ZNF7: variants seen among roughly 807,000 people sequenced by gnomAD.
The protein encoded by ZNF7 is zinc finger protein 7.
ZNF7 carries 10 observed loss-of-function variants against 12.0 expected under a neutral mutation model. That is an observed-to-expected ratio of 0.83 (90% CI 0.51 to 1.42). The LOEUF (loss-of-function observed/expected upper bound fraction) is 1.42, where lower values mean the gene tolerates loss of function less well. ZNF7 is among the 40% of genes most tolerant of loss of function. ZNF7 has a pLI of 0.00. For missense variants in ZNF7, 854 were observed against 837.2 expected (o/e 1.02, Z -0.25); for synonymous variants, 334 against 295.0 (o/e 1.13, Z -1.35).
rs767352183 is a variant in ZNF7 at position 144,841,775 on chromosome 8, G to C, written c.668G>C (p.Ser223Thr). Residue 223 changes from serine (S) to threonine (T), a missense_variant, in exon 5 of 5, where the codon AGC becomes ACC. Physicochemically the swap from Ser to Thr is moderately conservative, Grantham distance 58 (BLOSUM62 1). Transcript: ENST00000532777. ...LHWEINTQKI[S>T]RCQECQKKLS... ...TGGGAAATTAATACACAGAAAATTA[G>C]CAGATGTCAAGAATGCCAAAAAAAG... 5 of 1,614,078 alleles carry C rather than the reference G, an allele frequency of 3.1e-6. No homozygotes were observed. The East Asian group carries it at 1.1e-4, about 36-fold the overall frequency.
chr8:144,845,947 CAG>C (rs1830490894), downstream of ZNF7: 8 of 1,533,432 alleles, frequency 5.2e-6, no homozygotes, highest in Admixed American at 2.0e-5. Context: ...AGGTCTAGCA[CAG>C]GGGTTGCTGT....
At chr8:144,833,517 C>T (rs1828677811) in intron 3 of ZNF7, among the ~76,000 whole-genome samples, 1 of 151,464 alleles carries the variant, frequency 6.6e-6, no homozygotes, top group African/African-American at 2.4e-5. Context: ...TACAGCTACT[C>T]AGGCATGTGC....
rs149536664 is a variant in ZNF7, at chr8:144,843,044, G to A, written c.1937G>A (p.Arg646His). ...GACTGTGAGAAGATATTTAGGTGGC[G>A]TTCACACCTAATTATACACCAGAGA... is the stretch of plus-strand genomic sequence containing the variant. ...CEDCEKIFRW[R>H]SHLIIHQRIH... is the part of the protein sequence containing the mutation. Residue 646 changes from arginine (R) to histidine (H), a missense_variant, in exon 5 of 5, where the codon CGT becomes CAT. Arg to His is a conservative substitution (Grantham distance 29). Transcript: ENST00000532777. 123 of 1,613,988 alleles carry A rather than the reference G, an allele frequency of 7.6e-5. No individual in the cohort carries two copies. The highest frequency in any genetic ancestry group is 1.4e-4 in the South Asian group (13 of 91,074).
downstream of ZNF7, among the ~76,000 whole-genome samples, chr8:144,845,541 G>GA (rs1173767497): frequency 6.6e-6 from 1 of 152,190 alleles, no homozygotes; most frequent in African/African-American, 2.4e-5. Flanking sequence ...ATTTTCACGT[G>GA]AATCTGCTGC....
At chr8:144,845,470 G>A (rs992028005), downstream of ZNF7, among the ~76,000 whole-genome samples, 1 of 152,160 alleles carries the variant, frequency 6.6e-6, no homozygotes, top group South Asian at 2.1e-4. Flanking sequence ...GGAACATGGA[G>A]GGAGGCGTGG....
In ZNF7 at chr8:144,843,076, A is replaced by C; in HGVS notation, c.1969A>C (p.Thr657Pro). Reference sequence around the variant, plus strand: ...CCTAATTATACACCAGAGAATTCACACCGGGGAGAAGCCTTATAAATGCAA... The same window carrying C: ...CCTAATTATACACCAGAGAATTCACCCCGGGGAGAAGCCTTATAAATGCAA... ...SHLIIHQRIH[T>P]GEKPYKCNDC... The change falls in exon 5 of 5, where the codon ACC becomes CCC. Residue 657 changes from threonine to proline, a missense_variant. Physicochemically the swap from Thr to Pro is conservative, Grantham distance 38. Coordinates refer to ENST00000532777, the MANE Select transcript of ZNF7 (RefSeq NM_003416.4). 6.2e-7 allele frequency: 1 copy of C among 1,613,976 alleles called. No homozygotes were observed. Among genetic ancestry groups the C allele is most frequent in the Non-Finnish European group, 8.5e-7 (1 of 1,179,980 alleles).
chr8:144,831,221 C>T (rs1452085068), intron 3 of ZNF7, among the ~76,000 whole-genome samples: 1 of 152,218 alleles, frequency 6.6e-6, no homozygotes, highest in African/African-American at 2.4e-5. Flanking sequence ...CTCAAAGGTA[C>T]AGCTGCTGTT....
At chr8:144,846,488 T>C (rs1191638292), downstream of ZNF7, 1 of 274,348 alleles carries the variant, frequency 3.6e-6, no homozygotes, top group Non-Finnish European at 7.0e-6. Flanking sequence ...GCTGCAGCAG[T>C]GTTTACCACA....
rs1563849367 is a variant in ZNF7, at chr8:144,843,581, C to A, written c.*413C>A. The A allele has an allele frequency of 2.1e-5, 2 of 93,536 alleles. No individual in the cohort carries two copies. The highest frequency in any genetic ancestry group is 4.4e-5 in the Non-Finnish European group (2 of 45,946). 5.8% of individuals were successfully genotyped at this position (93,536 alleles called of 1,614,324 possible). On this transcript the variant is annotated 3_prime_UTR_variant, in exon 5 of 5. Coordinates refer to ENST00000532777, the MANE Select transcript of ZNF7 (RefSeq NM_003416.4). ...CCAGCCTGGGTGACAGAGTGAGACT[C>A]CCTCTCAAAAAAAAAAAAAAAAAAA...
intron 3 of ZNF7, chr8:144,830,918 T>C (rs1586790801): frequency 6.6e-6 from 3 of 457,678 alleles, no homozygotes; most frequent in Middle Eastern, 6.5e-4. Flanking sequence ...GTACTTCTAA[T>C]GTTTCTTCAC....
chr8:144,841,510 C>T lies in ZNF7; in HGVS notation c.403C>T (p.His135Tyr), dbSNP rs1829905719. ...VSDSEVWLDS[H>Y]LGSPGLKVTG... ...TGATTCTGAGGTCTGGTTAGACAGT[C>T]ATCTGGGCAGTCCCGGGCTGAAAGT... is the stretch of plus-strand genomic sequence containing the variant. Residue 135 changes from histidine to tyrosine, a missense_variant, in exon 5 of 5, where the codon CAT becomes TAT. By Grantham distance (83) the His-to-Tyr change is moderately conservative. Coordinates refer to ENST00000532777, the MANE Select transcript of ZNF7 (RefSeq NM_003416.4). 6.2e-7 allele frequency: 1 copy of T among 1,614,194 alleles called. No individual in the cohort carries two copies. Among genetic ancestry groups the T allele is most frequent in the African/African-American group, 1.3e-5 (1 of 75,054 alleles).
At chr8:144,838,862 AGCCCAGGAGGCAGAGCTTGCAGTG>A in intron 4 of ZNF7, 1 of 36,262 alleles carries the variant, frequency 2.8e-5, no homozygotes, top group Non-Finnish European at 1.0e-4. Context: ...GAATGGTGTG[AGCCCAGGAGGCAGAGCTTGCAGTG>A]AGCCGAGATT....
At chr8:144,832,540 C>G (rs1380672725) in intron 3 of ZNF7, among the ~76,000 whole-genome samples, 1 of 152,008 alleles carries the variant, frequency 6.6e-6, no homozygotes, top group Non-Finnish European at 1.5e-5. Context: ...CCAGCCTGAC[C>G]AACATGGTGA....
At chr8:144,831,262 G>A (rs946020088) in intron 3 of ZNF7, among the ~76,000 whole-genome samples, 2 of 152,106 alleles carry the variant, frequency 1.3e-5, no homozygotes, top group African/African-American at 2.4e-5. Flanking sequence ...TATTTATAAC[G>A]TCCTGCTGCT....
intron 4 of ZNF7, 133 bp from the exon 5 acceptor site, chr8:144,841,222 C>T (rs959029882): frequency 1.4e-5 from 12 of 884,296 alleles, no homozygotes; most frequent in East Asian, 4.9e-5. Context: ...TTCTCTTGCA[C>T]GTTTCCACCT....
rs1829690551 is a variant in ZNF7 at position 144,840,165 on chromosome 8, A to AC, written c.248-1190_248-1189insC. Among the ~76,000 whole-genome samples, 6 of 152,358 alleles carry AC rather than the reference A, an allele frequency of 3.9e-5. No homozygotes were observed. The South Asian group carries it at 1.2e-3, about 32-fold the overall frequency. ...GGAGTGTCAAGCAAGCCCTGTTGAA[A>AC]GAGCAGGCATGCTGAGGTGGTGTGG... On this transcript the variant is annotated intron_variant, in intron 4 of 4. Coordinates refer to ENST00000532777, the MANE Select transcript of ZNF7 (RefSeq NM_003416.4).
In ZNF7 at chr8:144,837,527, G is replaced by T. The variant is rs755214685; in HGVS notation, c.247+20G>T. 2 of 1,571,416 alleles carry T rather than the reference G, an allele frequency of 1.3e-6. No homozygotes were observed. Among genetic ancestry groups the T allele is most frequent in the South Asian group, 1.1e-5 (1 of 89,362 alleles). On this transcript the variant is annotated intron_variant, in intron 4 of 4. Transcript: ENST00000532777. ...AGACAGGTGAGGCTTAGATCCCATC[G>T]CAGAGAAGCCCTGGGGTGAGGAGAA...
Position 144,843,005 on chromosome 8 carries a change from T to C in ZNF7, c.1898T>C (p.Leu633Pro). ...AAAAAGGTTAATACTATAAAGAAAC[T>C]GCATCAGTGTGAAGACTGTGAGAAG... is the stretch of plus-strand genomic sequence containing the variant. ...SRKKVNTIKK[L>P]HQCEDCEKIF... Residue 633 changes from leucine (L) to proline (P), a missense_variant, in exon 5 of 5, where the codon CTG becomes CCG. Coordinates refer to ENST00000532777, the MANE Select transcript of ZNF7 (RefSeq NM_003416.4). 2 of 1,614,190 alleles carry C rather than the reference T, an allele frequency of 1.2e-6. No individual in the cohort carries two copies. Among genetic ancestry groups the C allele is most frequent in the African/African-American group, 1.3e-5 (1 of 75,050 alleles).
At chr8:144,836,654 T>TA (rs1409493802) in intron 3 of ZNF7, 1 of 152,348 alleles carries the variant, frequency 6.6e-6, no homozygotes, top group Non-Finnish European at 1.5e-5. Context: ...GCTTATTGGC[T>TA]ATAGGCCTTT....
Sources: allele counts gnomAD v4.1 joint callset (sites outside exome capture counted in the v4.1 genomes callset), GRCh38; gene constraint gnomAD v4.1.1; transcripts MANE v1.5; gene names NCBI Gene and HGNC (gene_info 2026-07-23, HGNC 2026-07-21).